The following CFAP44 variants were observed in gnomAD, a reference collection of about 807,000 sequenced individuals.
CFAP44 encodes cilia and flagella associated protein 44, also known as cilia- and flagella-associated protein 44.
CFAP44 carries 134 observed loss-of-function variants against 216.2 expected under a neutral mutation model. That is an observed-to-expected ratio of 0.62 (90% CI 0.54 to 0.72). The LOEUF (loss-of-function observed/expected upper bound fraction) is 0.72, where lower values mean the gene tolerates loss of function less well. Ranked by LOEUF, CFAP44 falls within the 30% of genes least tolerant of loss-of-function variation. The probability of loss-of-function intolerance (pLI) is 0.00; values close to 1 mark genes in which losing one functional copy is unlikely to be tolerated. For synonymous variants in CFAP44, 700 were observed against 727.6 expected (o/e 0.96, Z 0.61); for missense variants, 2,035 against 2,182.1 (o/e 0.93, Z 1.34).
At chr3:113,382,389 G>A (rs1288343799) in intron 15 of CFAP44, among the ~76,000 whole-genome samples, 2 of 152,156 alleles carry the variant, frequency 1.3e-5, no homozygotes, top group Non-Finnish European at 2.9e-5. Flanking sequence ...TGATTTGGTG[G>A]AATGATGAGA....
Position 113,418,950 on chromosome 3 carries a change from C to T in CFAP44, c.570+1067G>A, listed in dbSNP as rs530034093. 3.4e-4 allele frequency among the ~76,000 whole-genome samples: 51 copies of T among 152,214 alleles called. 1 individual carries two copies. In the South Asian group the frequency reaches 8.9e-3, roughly 27 times the overall value. ...TGATCTCCTGACCTCGTGATCCACC[C>T]GCCTCAGCCTCCCAAAGTGCTGGGA... On this transcript the variant is annotated intron_variant, in intron 5 of 34. Coordinates refer to ENST00000393845, the MANE Select transcript of CFAP44 (RefSeq NM_001164496.2).
chr3:113,341,743 C>G lies in CFAP44; in HGVS notation c.3437+1G>C. 1 of 1,470,038 alleles carries G rather than the reference C, an allele frequency of 6.8e-7. No individual in the cohort carries two copies. Among genetic ancestry groups the G allele is most frequent in the Non-Finnish European group, 8.9e-7 (1 of 1,123,184 alleles). The allele number at this position is 1,470,038 out of a possible 1,614,324, so 91.1% of individuals were successfully genotyped here. A position where few individuals can be genotyped will look rare whatever the true frequency, so the allele number is the denominator to read the frequency against. The stretch of plus-strand genomic sequence containing the variant: ...AAGAGTTTAGGTAAAAAAAAACTCA[C>G]AGTTCCTCCCATTCTTTTTTTCGCT... On this transcript the variant is annotated splice_donor_variant, in intron 24 of 34. Transcript: ENST00000393845. LOFTEE classifies it high-confidence loss of function.
rs1935363938 is a variant in CFAP44, at chr3:113,441,493, T to C, written c.-46A>G. On this transcript the variant is annotated 5_prime_UTR_variant, in exon 1 of 35. Transcript: ENST00000393845. The stretch of plus-strand genomic sequence containing the variant: ...CCGCGGCTCCTCTCTTCACAGCGTC[T>C]GCCGGAGGCCTCCGTTTACTCCGGT... The C allele has an allele frequency of 1.0e-6, 1 of 985,330 alleles. No individual in the cohort carries two copies. The allele number at this position is 985,330 out of a possible 1,614,324, so 61.0% of individuals were successfully genotyped here.
rs1183979624 is a variant in CFAP44 at position 113,297,040 on chromosome 3, T to C, written c.5078-155A>G. On this transcript the variant is annotated intron_variant, in intron 32 of 34. Transcript: ENST00000393845. ...TTCTTCTGTGATTTTTTCTGCTGCTTTCCTCATTTAAAAATGCCCATTCGG... is the reference window on the plus strand; with the variant it reads ...TTCTTCTGTGATTTTTTCTGCTGCTCTCCTCATTTAAAAATGCCCATTCGG... The C allele has an allele frequency of 3.3e-6, 3 of 913,326 alleles. No individual in the cohort carries two copies. The Admixed American group carries it at 6.3e-5, about 19-fold the overall frequency. 56.6% of individuals were successfully genotyped at this position (913,326 alleles called of 1,614,324 possible). A position where few individuals can be genotyped will look rare whatever the true frequency, so the allele number is the denominator to read the frequency against.
intron 25 of CFAP44, among the ~76,000 whole-genome samples, chr3:113,333,039 C>CA (rs1279554530): frequency 6.6e-6 from 1 of 151,814 alleles, no homozygotes; most frequent in Admixed American, 6.6e-5. Flanking sequence ...AAGGCCACAG[C>CA]AAAAAAAGAG....
chr3:113,380,811 G>A (rs1933485865), intron 16 of CFAP44, 88 bp downstream of exon 16: 4 of 1,125,154 alleles, frequency 3.6e-6, no homozygotes, highest in Admixed American at 5.8e-5. Context: ...TTATTCTTTT[G>A]TGTATTCCAT....
intron 24 of CFAP44, among the ~76,000 whole-genome samples, chr3:113,340,987 G>A (rs1222094294): frequency 1.3e-5 from 2 of 152,036 alleles, no homozygotes; most frequent in African/African-American, 2.4e-5. Context: ...ACTCTGCCTC[G>A]TCCCACTGGT....
In CFAP44 at chr3:113,439,244, C is replaced by T. The variant is rs1429388275; in HGVS notation, c.-6+2209G>A. Among the ~76,000 whole-genome samples the T allele has an allele frequency of 2.6e-5, 4 of 151,710 alleles. No individual in the cohort carries two copies. The South Asian group carries it at 8.3e-4, about 32-fold the overall frequency. On this transcript the variant is annotated intron_variant, in intron 1 of 34. Coordinates refer to ENST00000393845, the MANE Select transcript of CFAP44 (RefSeq NM_001164496.2). ...AAAGTTGTCAGAATTAGAATGGAGT[C>T]ACCAGTGTTAAGAAAGAACCCTGAC...
chr3:113,390,863 G>T (rs1051745409), intron 15 of CFAP44, among the ~76,000 whole-genome samples: 2 of 151,968 alleles, frequency 1.3e-5, no homozygotes, highest in African/African-American at 4.8e-5. Flanking sequence ...AAAAAGGAAA[G>T]ATATTCCATA....
rs1272321245 is a variant in CFAP44 at position 113,312,249 on chromosome 3, T to TTTC, written c.4517-3982_4517-3981insGAA. 1.8e-3 allele frequency among the ~76,000 whole-genome samples: 275 copies of TTTC among 150,066 alleles called. 2 individuals are homozygous for TTTC. Among genetic ancestry groups the TTTC allele is most frequent in the African/African-American group, 5.5e-3 (224 of 40,668 alleles). ...ACCATGCCTGGCTAATTTTTTTTTT[T>TTTC]TTTTTTTGTATTTTTAGGAGAGATG... On this transcript the variant is annotated intron_variant, in intron 28 of 34. Coordinates refer to ENST00000393845, the MANE Select transcript of CFAP44 (RefSeq NM_001164496.2).
At chr3:113,292,265 C>T (rs1949837334) in intron 34 of CFAP44, among the ~76,000 whole-genome samples, 1 of 152,124 alleles carries the variant, frequency 6.6e-6, no homozygotes, top group African/African-American at 2.4e-5. Flanking sequence ...CAGAATATTA[C>T]ATGGTTCATT....
intron 15 of CFAP44, among the ~76,000 whole-genome samples, chr3:113,382,895 A>T (rs370535016): frequency 2.0e-5 from 3 of 152,362 alleles, no homozygotes; most frequent in Non-Finnish European, 4.4e-5. Context: ...TGTGGAGAAG[A>T]AAAGTTCTAA....
At chr3:113,439,331 C>T (rs778332613) in intron 1 of CFAP44, among the ~76,000 whole-genome samples, 1 of 152,020 alleles carries the variant, frequency 6.6e-6, no homozygotes, top group Non-Finnish European at 1.5e-5. Flanking sequence ...GATAACTATC[C>T]CAAAAGACTG....
At chr3:113,435,735 TA>T (rs11434499) in intron 1 of CFAP44, among the ~76,000 whole-genome samples, 36 of 141,048 alleles carry the variant, frequency 2.6e-4, no homozygotes, top group Non-Finnish European at 2.3e-4. Context: ...CTTCTAAAAT[TA>T]AAAAAAAAAA....
rs1369927129 is a variant in CFAP44 at position 113,363,226 on chromosome 3, T to A, written c.2853A>T (p.Gln951His). ...AAAATTCACTCCTCAAAGCTTTGAT[T>A]TGCTCTCTCTTCCGTGCCTTTATTT... ...VGEIKARKRE[Q>H]IKALRSEFCN... is the part of the protein sequence containing the mutation. Residue 951 changes from glutamine (Q) to histidine (H), a missense_variant, in exon 21 of 35, where the codon CAA becomes CAT. Gln to His is a conservative substitution (Grantham distance 24). This residue lies in a region of CFAP44 where 1,883 missense variants were observed against 2,023.7 expected (regional missense o/e 0.93). Transcript: ENST00000393845. 6.2e-7 allele frequency: 1 copy of A among 1,613,442 alleles called. No homozygotes were observed. The highest frequency in any genetic ancestry group is 8.5e-7 in the Non-Finnish European group (1 of 1,179,834).
intron 1 of CFAP44, among the ~76,000 whole-genome samples, chr3:113,436,939 C>G (rs1434432949): frequency 6.6e-6 from 1 of 152,194 alleles, no homozygotes; most frequent in Admixed American, 6.5e-5. Context: ...AAGTGTGACT[C>G]AGCTAGCTCT....
At chr3:113,407,127 T>C in intron 7 of CFAP44, 86 bp from the exon 8 acceptor site, 1 of 954,778 alleles carries the variant, frequency 1.0e-6, no homozygotes, top group Non-Finnish European at 1.7e-6. Context: ...ACATATTTCA[T>C]AGTTGCATAT....
At chr3:113,415,674 T>C (rs190411383) in intron 6 of CFAP44, among the ~76,000 whole-genome samples, 12 of 152,322 alleles carry the variant, frequency 7.9e-5, no homozygotes, top group Admixed American at 7.2e-4. Context: ...TGTGTGGTTT[T>C]TAGTGAGTTT....
intron 5 of CFAP44, among the ~76,000 whole-genome samples, chr3:113,419,014 T>A (rs1167387595): frequency 6.6e-6 from 1 of 152,208 alleles, no homozygotes. Context: ...AGGATTAGCA[T>A]GCTTGACCAC....
Sources: gnomAD v4.1 joint callset for allele counts (sites outside exome capture counted in the v4.1 genomes callset) on GRCh38, gnomAD v4.1.1 for gene constraint, gnomAD v4.1.1 regional missense constraint, MANE v1.5 for transcripts, NCBI Gene and HGNC (gene_info 2026-07-23, HGNC 2026-07-21) for gene names.